B3GALT1: variants seen among roughly 807,000 people sequenced by gnomAD.
The protein encoded by B3GALT1 is beta-1,3-galactosyltransferase 1.
In B3GALT1, 10 loss-of-function variants were observed where a neutral mutation model predicts 23.2. The observed-to-expected ratio is 0.43, with a 90% CI of 0.27 to 0.73. The LOEUF (loss-of-function observed/expected upper bound fraction) is 0.73. B3GALT1 is among the 30% of genes least tolerant of loss of function. B3GALT1 has a pLI of 0.21. For synonymous variants in B3GALT1, 156 were observed against 141.5 expected (o/e 1.10, Z -0.73); for missense variants, 299 against 405.4 (o/e 0.74, Z 2.25).
At position 167,870,084 on chromosome 2, in the gene B3GALT1, A is replaced by G; in HGVS notation, c.*64A>G. On this transcript the variant is annotated 3_prime_UTR_variant, in exon 5 of 5. Transcript: ENST00000392690. ...AAGAAATGGGACCTAAGGTGTTGGT[A>G]TTTTCCAGGTGTCGGGGGAAATGAA... 1 of 1,458,724 alleles carries G rather than the reference A, an allele frequency of 6.9e-7. No individual in the cohort carries two copies. The highest frequency in any genetic ancestry group is 9.2e-7 in the Non-Finnish European group (1 of 1,089,938). 90.4% of individuals were successfully genotyped at this position (1,458,724 alleles called of 1,614,324 possible).
chr2:167,713,398 T>A (rs1687092727), intron 3 of B3GALT1, among the ~76,000 whole-genome samples: 1 of 152,210 alleles, frequency 6.6e-6, no homozygotes, highest in Admixed American at 6.5e-5. Context: ...GGAAATCACA[T>A]GGGAAAACAC....
chr2:167,752,522 T>C (rs1267945064), intron 3 of B3GALT1, among the ~76,000 whole-genome samples: 1 of 151,990 alleles, frequency 6.6e-6, no homozygotes. Context: ...ATTTGTTTTT[T>C]TTTTTAAATA....
chr2:167,479,958 C>T (rs998310406), intron 1 of B3GALT1, among the ~76,000 whole-genome samples: 4 of 152,054 alleles, frequency 2.6e-5, no homozygotes, highest in African/African-American at 4.8e-5. Flanking sequence ...GGCCCTCATG[C>T]GCTGAGTCTG....
At chr2:167,440,389 C>A (rs368698245) in intron 1 of B3GALT1, among the ~76,000 whole-genome samples, 179 of 144,790 alleles carry the variant, frequency 1.2e-3, no homozygotes, top group African/African-American at 4.3e-3. Flanking sequence ...TGTTCATAAA[C>A]CCTAACATTT....
intron 3 of B3GALT1, among the ~76,000 whole-genome samples, chr2:167,711,768 C>T (rs1485238961): frequency 6.6e-6 from 1 of 152,004 alleles, no homozygotes; most frequent in East Asian, 1.9e-4. Flanking sequence ...AATTTGAGAC[C>T]AGCCTGGGCA....
intron 4 of B3GALT1, among the ~76,000 whole-genome samples, chr2:167,865,484 G>A (rs1021553876): frequency 4.0e-5 from 6 of 151,508 alleles, no homozygotes; most frequent in Non-Finnish European, 8.8e-5. Context: ...TAATATGAAT[G>A]AGTGAACTGC....
intron 2 of B3GALT1, among the ~76,000 whole-genome samples, chr2:167,527,295 T>G (rs1242015522): frequency 6.6e-6 from 1 of 152,154 alleles, no homozygotes; most frequent in Non-Finnish European, 1.5e-5. Context: ...ATTATGAACT[T>G]GGAAGAATCC....
At chr2:167,703,782 A>G (rs919528589) in intron 3 of B3GALT1, among the ~76,000 whole-genome samples, 9 of 152,214 alleles carry the variant, frequency 5.9e-5, no homozygotes, top group African/African-American at 1.7e-4. Context: ...GGAAACCTCA[A>G]TTGAAACTAG....
At chr2:167,557,092 T>G (rs1264156821) in intron 2 of B3GALT1, among the ~76,000 whole-genome samples, 1 of 152,180 alleles carries the variant, frequency 6.6e-6, no homozygotes, top group Non-Finnish European at 1.5e-5. Flanking sequence ...TATACTGCCT[T>G]TTACAGAACT....
rs368676558 is a variant in B3GALT1 at position 167,819,903 on chromosome 2, T to G, written c.-230+1110T>G. 1.0e-3 allele frequency among the ~76,000 whole-genome samples: 159 copies of G among 152,312 alleles called. 2 individuals carry two copies. The South Asian group carries it at 0.032, about 31-fold the overall frequency. ...AGGTTTCAGTTGATAGTTTTCTCCC[T>G]CCGCTTACTGACAGCATTGGAAGGA... On this transcript the variant is annotated intron_variant, in intron 4 of 4. Transcript: ENST00000392690.
intron 2 of B3GALT1, among the ~76,000 whole-genome samples, chr2:167,612,379 A>ATTATTATTATTG (rs1419455485): frequency 6.7e-6 from 1 of 149,592 alleles, no homozygotes; most frequent in Non-Finnish European, 1.5e-5. Flanking sequence ...TATTATTATT[A>ATTATTATTATTG]TTATTATTAT....
rs549353525 is a variant in B3GALT1, at chr2:167,475,669, G to T, written c.-510-14508G>T. ...GAAGACATGACCAGAAATGTCTTCT[G>T]ATTAAGATCTACTGGGGGTCTTGGA... On this transcript the variant is annotated intron_variant, in intron 1 of 4. Coordinates refer to ENST00000392690, the MANE Select transcript of B3GALT1 (RefSeq NM_020981.4). 2.6e-5 allele frequency among the ~76,000 whole-genome samples: 4 copies of T among 152,258 alleles called. No individual in the cohort carries two copies. In the East Asian group the frequency reaches 7.7e-4, roughly 29 times the overall value.
chr2:167,326,190 G>A (rs1424277179), intron 1 of B3GALT1, among the ~76,000 whole-genome samples: 2 of 139,540 alleles, frequency 1.4e-5, no homozygotes, highest in Non-Finnish European at 3.1e-5. Flanking sequence ...GTGATGTTGA[G>A]TTTTTTTTTT....
intron 3 of B3GALT1, among the ~76,000 whole-genome samples, chr2:167,661,241 T>G (rs1420283950): frequency 6.6e-6 from 1 of 152,158 alleles, no homozygotes; most frequent in Non-Finnish European, 1.5e-5. Flanking sequence ...TGTTAGTATT[T>G]TATTGAAGAT....
chr2:167,620,562 C>T (rs1685237204), intron 2 of B3GALT1, among the ~76,000 whole-genome samples: 1 of 151,970 alleles, frequency 6.6e-6, no homozygotes, highest in South Asian at 2.1e-4. Flanking sequence ...GCAAATTCAC[C>T]TACTTACTAA....
At chr2:167,663,315 A>G (rs1332894942) in intron 3 of B3GALT1, among the ~76,000 whole-genome samples, 1 of 152,064 alleles carries the variant, frequency 6.6e-6, no homozygotes, top group Non-Finnish European at 1.5e-5. Flanking sequence ...GCTGCATAGT[A>G]TTCCATGGTG....
chr2:167,511,132 A>T (rs1574110461), intron 2 of B3GALT1, among the ~76,000 whole-genome samples: 1 of 152,150 alleles, frequency 6.6e-6, no homozygotes, highest in Admixed American at 6.5e-5. Flanking sequence ...TTCTTTAATA[A>T]GGAGATATTG....
intron 3 of B3GALT1, among the ~76,000 whole-genome samples, chr2:167,802,918 AT>A (rs10715952): frequency 0.19 from 29,293 of 151,904 alleles, 3,188 homozygotes; most frequent in East Asian, 0.31. Context: ...ATAAATTAGT[AT>A]TTTTTTATCA....
intron 2 of B3GALT1, among the ~76,000 whole-genome samples, chr2:167,607,780 C>G (rs930212119): frequency 1.1e-4 from 16 of 152,136 alleles, no homozygotes; most frequent in African/African-American, 3.6e-4. Flanking sequence ...ATCAGACTTG[C>G]TGCAAATTCC....
Sources: gnomAD v4.1 joint callset for allele counts (sites outside exome capture counted in the v4.1 genomes callset) on GRCh38, gnomAD v4.1.1 for gene constraint, MANE v1.5 for transcripts, NCBI Gene and HGNC (gene_info 2026-07-23, HGNC 2026-07-21) for gene names.